TBCK: variants seen among roughly 807,000 people sequenced by gnomAD.
TBCK encodes TBC domain-containing protein kinase-like protein.
In TBCK, 99 loss-of-function variants were observed where a neutral mutation model predicts 113.4. The observed-to-expected ratio is 0.87, with a 90% CI of 0.74 to 1.03. The LOEUF (loss-of-function observed/expected upper bound fraction) is 1.03, where lower values mean the gene tolerates loss of function less well. Among genes scored for constraint, TBCK ranks in the 50% least tolerant of loss-of-function variants. TBCK has a pLI of 0.00. For synonymous variants in TBCK, 369 were observed against 370.8 expected (o/e 1.00, Z 0.05); for missense variants, 1,045 against 1,061.3 (o/e 0.98, Z 0.21).
chr4:106,287,721 C>G (rs1396274601), intron 3 of TBCK, among the ~76,000 whole-genome samples: 1 of 152,148 alleles, frequency 6.6e-6, no homozygotes, highest in Admixed American at 6.5e-5. Context: ...AATTAAGCCT[C>G]TTGTCAACAA....
chr4:106,123,320 G>A (rs140763165), intron 23 of TBCK, among the ~76,000 whole-genome samples: 3 of 152,336 alleles, frequency 2.0e-5, no homozygotes, highest in Non-Finnish European at 2.9e-5. Context: ...TACAAGGCAT[G>A]TGAAGGACCT....
chr4:106,255,089 G>A, intron 5 of TBCK: 1 of 283,066 alleles, frequency 3.5e-6, no homozygotes, highest in Non-Finnish European at 7.1e-6. Flanking sequence ...AAGACAGGTT[G>A]TAGAGAACTA....
intron 25 of TBCK, among the ~76,000 whole-genome samples, chr4:106,068,631 T>G (rs1219888423): frequency 6.6e-6 from 1 of 152,200 alleles, no homozygotes; most frequent in African/African-American, 2.4e-5. Flanking sequence ...ATCTTTATAG[T>G]AGCATGATTT....
At chr4:106,296,645 G>A (rs763046042) in intron 2 of TBCK, among the ~76,000 whole-genome samples, 9 of 152,086 alleles carry the variant, frequency 5.9e-5, no homozygotes, top group Non-Finnish European at 1.3e-4. Flanking sequence ...AGTGAAATGG[G>A]ATTATACAGA....
At chr4:106,133,527 T>C (rs1746205652) in intron 23 of TBCK, among the ~76,000 whole-genome samples, 1 of 152,184 alleles carries the variant, frequency 6.6e-6, no homozygotes, top group Admixed American at 6.5e-5. Context: ...CTTTCATGCA[T>C]TCAAGGCTGG....
intron 2 of TBCK, among the ~76,000 whole-genome samples, chr4:106,301,852 C>A (rs6838283): frequency 0.13 from 19,693 of 152,112 alleles, 1,611 homozygotes; most frequent in South Asian, 0.24. Context: ...AATCAAAATT[C>A]TTTGAGGAGA....
intron 23 of TBCK, among the ~76,000 whole-genome samples, chr4:106,167,256 G>A (rs1406244779): frequency 1.1e-4 from 17 of 148,752 alleles, no homozygotes; most frequent in Non-Finnish European, 2.5e-4. Context: ...CAAGCTATTA[G>A]TCTTAGAGAA....
intron 6 of TBCK, among the ~76,000 whole-genome samples, chr4:106,251,540 A>G (rs930620608): frequency 1.3e-5 from 2 of 151,950 alleles, no homozygotes; most frequent in Admixed American, 1.3e-4. Context: ...TCATTTCAAT[A>G]TCTTGTTAAA....
chr4:106,232,514 G>GA (rs140784318), intron 17 of TBCK, among the ~76,000 whole-genome samples: 11,469 of 151,138 alleles, frequency 0.076, 498 homozygotes, highest in Middle Eastern at 0.18. Context: ...AAAGATACAA[G>GA]AAAAAAAAGA....
At chr4:106,079,222 A>T (rs1281531750) in intron 25 of TBCK, among the ~76,000 whole-genome samples, 1 of 152,194 alleles carries the variant, frequency 6.6e-6, no homozygotes, top group Non-Finnish European at 1.5e-5. Flanking sequence ...ATATCATAAT[A>T]AACAGGCAAA....
chr4:106,106,913 C>T (rs938047791), intron 24 of TBCK, among the ~76,000 whole-genome samples: 2 of 151,910 alleles, frequency 1.3e-5, no homozygotes, highest in Non-Finnish European at 2.9e-5. Context: ...TAATGACACA[C>T]TTATAAGCTC....
In TBCK at chr4:106,273,772, T is replaced by C. The variant is rs544238548; in HGVS notation, c.267-11560A>G. Reference sequence around the variant, plus strand: ...TGGAAAAGGAACAGAAGGATTTTTATTGAAAGCCTCCAAAGGGGGTGTGAC... The same window carrying C: ...TGGAAAAGGAACAGAAGGATTTTTACTGAAAGCCTCCAAAGGGGGTGTGAC... On this transcript the variant is annotated intron_variant, in intron 3 of 25. Coordinates refer to ENST00000394708, the MANE Select transcript of TBCK (RefSeq NM_001163435.3). Among the ~76,000 whole-genome samples, 13 of 152,358 alleles carry C rather than the reference T, an allele frequency of 8.5e-5. 1 individual carries two copies. In the South Asian group the frequency reaches 2.3e-3, roughly 27 times the overall value.
At chr4:106,150,415 T>C (rs913076141) in intron 23 of TBCK, among the ~76,000 whole-genome samples, 2 of 152,118 alleles carry the variant, frequency 1.3e-5, no homozygotes, top group South Asian at 2.1e-4. Flanking sequence ...ATAGGGACTT[T>C]AGTAAAAACA....
chr4:106,254,651 T>G (rs1203080530), intron 5 of TBCK, among the ~76,000 whole-genome samples: 1 of 152,142 alleles, frequency 6.6e-6, no homozygotes, highest in African/African-American at 2.4e-5. Flanking sequence ...TCTTGATTCA[T>G]CTAGAATTCA....
At chr4:106,212,881 C>A in intron 19 of TBCK, 46 bp from the exon 20 acceptor site, 2 of 1,152,956 alleles carry the variant, frequency 1.7e-6, no homozygotes, top group Non-Finnish European at 2.6e-6. Flanking sequence ...ACACAGTACT[C>A]CAAGAACATT....
intron 2 of TBCK, 108 bp downstream of exon 2, chr4:106,308,660 G>A (rs1767807766): frequency 1.0e-6 from 1 of 968,622 alleles, no homozygotes; most frequent in Non-Finnish European, 1.5e-6. Context: ...AGAAGGACAT[G>A]TGTGCACTGG....
chr4:106,150,309 C>T (rs1748330341), intron 23 of TBCK, among the ~76,000 whole-genome samples: 1 of 152,046 alleles, frequency 6.6e-6, no homozygotes, highest in African/African-American at 2.4e-5. Context: ...ATATGAATGC[C>T]TTATTGAGAT....
At chr4:106,183,095 G>A (rs1752596138) in intron 22 of TBCK, among the ~76,000 whole-genome samples, 1 of 151,992 alleles carries the variant, frequency 6.6e-6, no homozygotes, top group Non-Finnish European at 1.5e-5. Context: ...TTGGTAAAGA[G>A]CTAAATTCAA....
intron 19 of TBCK, among the ~76,000 whole-genome samples, chr4:106,228,219 T>C (rs887801355): frequency 1.1e-4 from 17 of 152,036 alleles, no homozygotes; most frequent in African/African-American, 4.1e-4. Context: ...CAAGTATTTT[T>C]CTTTTGTGTT....
Sources: gnomAD v4.1 joint callset for allele counts (sites outside exome capture counted in the v4.1 genomes callset) on GRCh38, gnomAD v4.1.1 for gene constraint, MANE v1.5 for transcripts, NCBI Gene and HGNC (gene_info 2026-07-23, HGNC 2026-07-21) for gene names.